FBXL18: variants seen among roughly 807,000 people sequenced by gnomAD.
The protein encoded by FBXL18 is F-box/LRR-repeat protein 18.
FBXL18 carries 36 observed loss-of-function variants against 46.0 expected under a neutral mutation model. The ratio of observed to expected loss-of-function variants is 0.78; its 90% confidence interval spans 0.60 to 1.03. FBXL18 has a LOEUF of 1.03. FBXL18 is among the 50% of genes least tolerant of loss of function. FBXL18 has a pLI of 0.00. For missense variants in FBXL18, 977 were observed against 1,004.1 expected, an observed-to-expected ratio of 0.97 and a Z score of 0.36; for synonymous variants, 557 against 465.3, an observed-to-expected ratio of 1.20 and a Z score of -2.54.
At chr7:5,499,610 A>C (rs1784175959) in intron 3 of FBXL18, among the ~76,000 whole-genome samples, 3 of 152,210 alleles carry the variant, frequency 2.0e-5, no homozygotes, top group African/African-American at 7.2e-5. Flanking sequence ...GCACACCTGT[A>C]GTCCCAGCTG....
At chr7:5,498,117 G>A (rs1183072728) in intron 3 of FBXL18, among the ~76,000 whole-genome samples, 1 of 122,948 alleles carries the variant, frequency 8.1e-6, no homozygotes, top group African/African-American at 3.2e-5. Context: ...GTCTCACTCT[G>A]TCACCCATGC....
intron 4 of FBXL18, among the ~76,000 whole-genome samples, chr7:5,463,344 G>A (rs1783284115): frequency 1.3e-5 from 2 of 152,002 alleles, no homozygotes; most frequent in South Asian, 2.1e-4. Context: ...ATGAGGGCTG[G>A]GGCAGTGGCT....
chr7:5,481,319 G>A lies in FBXL18; in HGVS notation c.*456C>T, dbSNP rs1413444372. ...CAGATACACGGTGACCAGCCCGGCC[G>A]ACTGGACTTCAGGGGGACAGCATGT... On this transcript the variant is annotated 3_prime_UTR_variant, in exon 5 of 5. Coordinates refer to ENST00000382368, the MANE Select transcript of FBXL18 (RefSeq NM_024963.6). 2.3e-5 allele frequency: 4 copies of A among 172,710 alleles called. No homozygotes were observed. Among genetic ancestry groups the A allele is most frequent in the Non-Finnish European group, 5.1e-5 (4 of 79,052 alleles). 10.7% of individuals were successfully genotyped at this position (172,710 alleles called of 1,614,324 possible).
At chr7:5,463,728 A>ATTTTTTTTTTTTTTTTTT (rs552002078) in intron 4 of FBXL18, among the ~76,000 whole-genome samples, 6 of 53,010 alleles carry the variant, frequency 1.1e-4, no homozygotes, top group Non-Finnish European at 1.7e-4. Context: ...TTATTTATTT[A>ATTTTTTTTTTTTTTTTTT]TTTTTTTTTT....
chr7:5,483,871 C>A (rs1004728212), intron 4 of FBXL18, among the ~76,000 whole-genome samples: 3 of 152,170 alleles, frequency 2.0e-5, no homozygotes, highest in Non-Finnish European at 2.9e-5. Context: ...CCGGCCACAG[C>A]GGCCACTTAA....
At chr7:5,482,284 G>A (rs1039889909) in intron 4 of FBXL18, among the ~76,000 whole-genome samples, 1 of 152,200 alleles carries the variant, frequency 6.6e-6, no homozygotes, top group African/African-American at 2.4e-5. Flanking sequence ...TGCAGGAGTG[G>A]CAGATCCGAG....
intron 3 of FBXL18, among the ~76,000 whole-genome samples, chr7:5,492,880 CT>C (rs773755685): frequency 1.6e-4 from 25 of 152,222 alleles, no homozygotes; most frequent in Middle Eastern, 3.4e-3. Flanking sequence ...TTTGGGGCCT[CT>C]GGGCTCCAGA....
chr7:5,513,121 C>T (rs1411778268), intron 1 of FBXL18, among the ~76,000 whole-genome samples: 1 of 152,134 alleles, frequency 6.6e-6, no homozygotes, highest in Non-Finnish European at 1.5e-5. Context: ...GCTTCTCCAT[C>T]GGACCCAGAT....
chr7:5,470,006 C>T (rs1365495496), intron 4 of FBXL18, among the ~76,000 whole-genome samples: 3 of 152,012 alleles, frequency 2.0e-5, no homozygotes, highest in Non-Finnish European at 2.9e-5. Flanking sequence ...CTGAAGTGTA[C>T]GGGTATGAAC....
chr7:5,492,620 G>C (rs1003957348), intron 3 of FBXL18, among the ~76,000 whole-genome samples: 2 of 152,158 alleles, frequency 1.3e-5, no homozygotes, highest in South Asian at 2.1e-4. Context: ...GGTTTGTTGC[G>C]GATGCAAGGG....
At chr7:5,469,369 G>A (rs570458607) in intron 4 of FBXL18, among the ~76,000 whole-genome samples, 560 of 152,336 alleles carry the variant, frequency 3.7e-3, no homozygotes, top group South Asian at 8.9e-3. Context: ...CTGAGATCGT[G>A]CCACTGCACT....
intron 3 of FBXL18, among the ~76,000 whole-genome samples, chr7:5,497,731 G>A (rs1784120717): frequency 6.6e-6 from 1 of 152,192 alleles, no homozygotes. Context: ...GTGTTTGCGA[G>A]AGACTCAGCT....
At chr7:5,510,877 TGAGTG>T (rs1784515013) in intron 1 of FBXL18, among the ~76,000 whole-genome samples, 1 of 152,054 alleles carries the variant, frequency 6.6e-6, no homozygotes. Context: ...AATTCTGGTG[TGAGTG>T]GCAGGCCCTG....
rs764669288 is a variant in FBXL18 at position 5,502,002 on chromosome 7, C to T, written c.267G>A (p.Val89=). 6.2e-7 allele frequency: 1 copy of T among 1,603,738 alleles called. No individual in the cohort carries two copies. Among genetic ancestry groups the T allele is most frequent in the Non-Finnish European group, 8.5e-7 (1 of 1,175,494 alleles). ...QASEDKVRQL[V]KEIGREIQQL... is the part of the protein sequence containing the mutation. ...GCTGGATCTCCCGGCCGATCTCCTT[C>T]ACCAGCTGCCTCACTTTGTCCTCGC... The change falls in exon 3 of 5, where the codon GTG becomes GTA. Residue 89 remains valine (V), a synonymous_variant. Transcript: ENST00000382368.
At chr7:5,511,007 A>G (rs1784517793) in intron 1 of FBXL18, among the ~76,000 whole-genome samples, 1 of 152,214 alleles carries the variant, frequency 6.6e-6, no homozygotes, top group African/African-American at 2.4e-5. Flanking sequence ...CAGAATATGT[A>G]ACATTTCACA....
Position 5,501,558 on chromosome 7 carries a change from C to G in FBXL18, c.711G>C (p.Leu237=). ...YQNLRVFYAR[L]APGYINQEVV... is the part of the protein sequence containing the mutation. ...CCTCCTGGTTGATGTAGCCGGGGGC[C>G]AGGCGCGCATAGAAGACCCGCAGGT... The change falls in exon 3 of 5, where the codon CTG becomes CTC. Residue 237 remains leucine, a synonymous_variant. Transcript: ENST00000382368. 1 of 1,613,924 alleles carries G rather than the reference C, an allele frequency of 6.2e-7. No individual in the cohort carries two copies. Among genetic ancestry groups the G allele is most frequent in the Non-Finnish European group, 8.5e-7 (1 of 1,180,010 alleles).
In FBXL18 at chr7:5,477,195, AAACTTCT is replaced by A. The variant is rs899054609; in HGVS notation, c.*4573_*4579del. Among the ~76,000 whole-genome samples, 7 of 152,026 alleles carry A rather than the reference AAACTTCT, an allele frequency of 4.6e-5. No individual in the cohort carries two copies. The highest frequency in any genetic ancestry group is 1.4e-4 in the African/African-American group (6 of 41,390). ...AGCCACTGCGCCCGGCCAGATCTAG[AAACTTCT>A]AACTTGAATCCCACACCCCCAAGTG... On this transcript the variant is annotated 3_prime_UTR_variant, in exon 5 of 5. Transcript: ENST00000382368. The surrounding 1 kb of genome is among the most constrained non-coding windows in gnomAD (Gnocchi z 4.4).
intron 4 of FBXL18, among the ~76,000 whole-genome samples, chr7:5,463,850 C>T (rs1489894026): frequency 6.7e-6 from 1 of 150,158 alleles, no homozygotes; most frequent in Non-Finnish European, 1.5e-5. Flanking sequence ...AAGCGATTCT[C>T]CTGCCTCAGC....
At position 5,496,496 on chromosome 7, in the gene FBXL18, T is replaced by C. The variant is rs556291589; in HGVS notation, c.1781+3992A>G. ...TCCATAGGTGGCTAAAGGCCACCTA[T>C]GAGCTGAGGACGCCAAAGCAACTCT... On this transcript the variant is annotated intron_variant, in intron 3 of 4. Coordinates refer to ENST00000382368, the MANE Select transcript of FBXL18 (RefSeq NM_024963.6). This position sits in a 1 kb window ranked among gnomAD's most constrained non-coding sequence, Gnocchi z 4.8. 9.7e-5 allele frequency among the ~76,000 whole-genome samples: 13 copies of C among 133,572 alleles called. No homozygotes were observed. The East Asian group carries it at 3.2e-3, about 33-fold the overall frequency. 87.6% of individuals were successfully genotyped at this position (133,572 alleles called of 152,430 possible).
Sources: gnomAD v4.1 joint callset for allele counts (sites outside exome capture counted in the v4.1 genomes callset) on GRCh38, gnomAD v4.1.1 for gene constraint, Gnocchi (gnomAD v3.1) non-coding constraint, MANE v1.5 for transcripts, NCBI Gene and HGNC (gene_info 2026-07-23, HGNC 2026-07-21) for gene names.